Variants in RBFOX2 observed in about 807,000 individuals in gnomAD.
RBFOX2 encodes the protein RNA binding fox-1 homolog 2.
A neutral mutation model predicts 49.1 loss-of-function variants in RBFOX2; 10 were observed. The ratio of observed to expected loss-of-function variants is 0.20; its 90% CI spans 0.13 to 0.35. RBFOX2 has a LOEUF of 0.35. Ranked by LOEUF, RBFOX2 falls within the 10% of genes least tolerant of loss-of-function variation. The probability of loss-of-function intolerance (pLI) is 1.00; values close to 1 mark genes in which losing one functional copy is unlikely to be tolerated. For missense variants in RBFOX2, 323 were observed against 486.9 expected (o/e 0.66, Z 3.17); for synonymous variants, 183 against 187.4 (o/e 0.98, Z 0.19).
At chr22:35,884,562 C>T (rs2046330496) in intron 1 of RBFOX2, among the ~76,000 whole-genome samples, 1 of 152,158 alleles carries the variant, frequency 6.6e-6, no homozygotes, top group South Asian at 2.1e-4. Flanking sequence ...CTTGGGCCTT[C>T]CCACAAGGCT....
chr22:35,842,041 T>C (rs1247978899), upstream of RBFOX2, among the ~76,000 whole-genome samples: 1 of 152,180 alleles, frequency 6.6e-6, no homozygotes, highest in African/African-American at 2.4e-5. Context: ...GTGAATTCAA[T>C]TTTTAAAATT....
At chr22:35,976,616 G>A (rs1193529827) in intron 1 of RBFOX2, among the ~76,000 whole-genome samples, 1 of 151,928 alleles carries the variant, frequency 6.6e-6, no homozygotes, top group African/African-American at 2.4e-5. Context: ...AATGTGTATC[G>A]GAAAAAGGAT....
chr22:35,852,230 T>G (rs563063235), intron 1 of RBFOX2, among the ~76,000 whole-genome samples: 2 of 152,278 alleles, frequency 1.3e-5, no homozygotes, highest in Non-Finnish European at 2.9e-5. Context: ...ACTACACCAT[T>G]TTATATAAGA....
At chr22:35,928,850 T>C (rs1396356811) in intron 1 of RBFOX2, among the ~76,000 whole-genome samples, 3 of 152,118 alleles carry the variant, frequency 2.0e-5, no homozygotes, top group Non-Finnish European at 2.9e-5. Context: ...GGTACCTACT[T>C]AATTATTAGG....
At chr22:35,772,336 G>A (rs1942900902) in intron 4 of RBFOX2, among the ~76,000 whole-genome samples, 1 of 152,008 alleles carries the variant, frequency 6.6e-6, no homozygotes, top group South Asian at 2.1e-4. Flanking sequence ...CATTTAAAAA[G>A]TAGAAACAGG....
intron 2 of RBFOX2, among the ~76,000 whole-genome samples, chr22:35,800,954 T>G (rs1188971132): frequency 6.6e-6 from 1 of 152,180 alleles, no homozygotes; most frequent in Non-Finnish European, 1.5e-5. Flanking sequence ...TCAGCAGAGA[T>G]AAGACTTAAA....
chr22:35,962,077 T>C (rs2056258026), upstream of RBFOX2, among the ~76,000 whole-genome samples: 1 of 152,206 alleles, frequency 6.6e-6, no homozygotes. Context: ...AAAAAACAGT[T>C]GGGTCATTTC....
chr22:35,754,524 A>G (rs188861512), intron 9 of RBFOX2, among the ~76,000 whole-genome samples: 1 of 152,382 alleles, frequency 6.6e-6, no homozygotes, highest in East Asian at 1.9e-4. Flanking sequence ...CTAATAGATC[A>G]GATTTCAAGA....
At chr22:35,804,787 C>T (rs932943045) in intron 2 of RBFOX2, among the ~76,000 whole-genome samples, 2 of 152,038 alleles carry the variant, frequency 1.3e-5, no homozygotes, top group African/African-American at 4.8e-5. Context: ...GGAAATGACA[C>T]TGCATAATAA....
At chr22:35,814,885 C>G (rs1952714165) in intron 1 of RBFOX2, among the ~76,000 whole-genome samples, 1 of 152,012 alleles carries the variant, frequency 6.6e-6, no homozygotes, top group South Asian at 2.1e-4. Flanking sequence ...GACCCTGTCT[C>G]CTAAAAAGAA....
chr22:35,912,799 G>A (rs893227963), intron 1 of RBFOX2, among the ~76,000 whole-genome samples: 1 of 152,154 alleles, frequency 6.6e-6, no homozygotes. Context: ...TATCCCAGAG[G>A]CAGCATGGCA....
chr22:35,776,416 TAACA>T (rs1943922224), intron 4 of RBFOX2, among the ~76,000 whole-genome samples: 1 of 152,226 alleles, frequency 6.6e-6, no homozygotes. Flanking sequence ...CTTTAATAGT[TAACA>T]AATAATTGTT....
chr22:35,912,920 T>G (rs747644771), intron 1 of RBFOX2, among the ~76,000 whole-genome samples: 48 of 152,202 alleles, frequency 3.2e-4, no homozygotes, highest in Non-Finnish European at 6.2e-4. Context: ...TTAACCTGTT[T>G]TGTAATCAAC....
intron 1 of RBFOX2, among the ~76,000 whole-genome samples, chr22:35,947,503 G>A (rs1014490942): frequency 3.3e-5 from 5 of 150,510 alleles, no homozygotes; most frequent in Middle Eastern, 3.4e-3. Flanking sequence ...TCCAGCACAC[G>A]GCATTGTTAT....
At chr22:35,805,753 CA>C (rs1227180638) in intron 2 of RBFOX2, among the ~76,000 whole-genome samples, 3 of 152,106 alleles carry the variant, frequency 2.0e-5, no homozygotes, top group African/African-American at 7.2e-5. Flanking sequence ...AATGGATAAA[CA>C]AACTGTGGTA....
At chr22:35,922,711 T>C (rs1165721679) in intron 1 of RBFOX2, among the ~76,000 whole-genome samples, 1 of 151,906 alleles carries the variant, frequency 6.6e-6, no homozygotes, top group African/African-American at 2.4e-5. Context: ...AAAAGAAAAA[T>C]GACATTTCAT....
At chr22:36,012,898 G>T (rs1018006718) in intron 1 of RBFOX2, among the ~76,000 whole-genome samples, 3 of 151,944 alleles carry the variant, frequency 2.0e-5, no homozygotes, top group African/African-American at 7.3e-5. Flanking sequence ...CCAAGTAGCT[G>T]GGATTACAGG....
intron 1 of RBFOX2, among the ~76,000 whole-genome samples, chr22:35,967,691 T>C (rs978505358): frequency 6.6e-6 from 1 of 152,124 alleles, no homozygotes; most frequent in Non-Finnish European, 1.5e-5. Flanking sequence ...AGCCCAAAAA[T>C]AATAAATAAC....
At chr22:36,011,462 A>C (rs1320085683) in intron 1 of RBFOX2, among the ~76,000 whole-genome samples, 1 of 152,208 alleles carries the variant, frequency 6.6e-6, no homozygotes, top group Non-Finnish European at 1.5e-5. Flanking sequence ...CCAGAATCTT[A>C]AGTCCAGAAA....
Sources: allele counts gnomAD v4.1 joint callset (sites outside exome capture counted in the v4.1 genomes callset), GRCh38; gene constraint gnomAD v4.1.1; transcripts MANE v1.5; gene names NCBI Gene and HGNC (gene_info 2026-07-23, HGNC 2026-07-21).